Variants in SLC6A20 observed in about 807,000 individuals in gnomAD.
SLC6A20 encodes the protein sodium- and chloride-dependent transporter XTRP3.
In SLC6A20, 73 loss-of-function variants were observed where a neutral mutation model predicts 64.3. The ratio of observed to expected loss-of-function variants is 1.14; its 90% CI spans 0.94 to 1.38. SLC6A20 has a LOEUF of 1.38. SLC6A20 is among the 40% of genes most tolerant of loss of function. The pLI is 0.00. For missense variants in SLC6A20, 725 were observed against 772.8 expected (o/e 0.94, Z 0.73); for synonymous variants, 347 against 329.6 (o/e 1.05, Z -0.57).
chr3:45,776,376 C>T (rs1487690845), intron 3 of SLC6A20, among the ~76,000 whole-genome samples: 1 of 152,118 alleles, frequency 6.6e-6, no homozygotes, highest in Non-Finnish European at 1.5e-5. Flanking sequence ...GCAGCACTGG[C>T]CCAGATTGCT....
In SLC6A20 at chr3:45,758,972, C is replaced by T. The variant is rs769700404; in HGVS notation, c.*6G>A. On this transcript the variant is annotated 3_prime_UTR_variant, in exon 11 of 11. Transcript: ENST00000358525. The stretch of plus-strand genomic sequence containing the variant: ...TAAAACCGTGAGCGGCTGGGAAGCC[C>T]ACATCTCAGGCCACGGGGTCTGCGT... The T allele has an allele frequency of 1.3e-6, 2 of 1,593,692 alleles. No individual in the cohort carries two copies. Among genetic ancestry groups the T allele is most frequent in the South Asian group, 2.3e-5 (2 of 87,562 alleles).
chr3:45,786,302 T>C (rs935133634), intron 1 of SLC6A20, among the ~76,000 whole-genome samples: 3 of 152,208 alleles, frequency 2.0e-5, no homozygotes, highest in African/African-American at 7.2e-5. Flanking sequence ...CCTCTAGGCA[T>C]CCAGACTCTA....
chr3:45,770,108 T>C, intron 7 of SLC6A20, 101 bp downstream of exon 7: 1 of 1,488,842 alleles, frequency 6.7e-7, no homozygotes, highest in Non-Finnish European at 9.1e-7. Context: ...GATCCTTCTT[T>C]ATTTTTACAG....
intron 1 of SLC6A20, among the ~76,000 whole-genome samples, chr3:45,783,882 G>A (rs1404601808): frequency 6.6e-6 from 1 of 152,218 alleles, no homozygotes; most frequent in Non-Finnish European, 1.5e-5. Context: ...CCTTGTTTCA[G>A]CACCTTGTGA....
chr3:45,771,169 C>T, intron 6 of SLC6A20, 48 bp downstream of exon 6: 1 of 1,612,360 alleles, frequency 6.2e-7, no homozygotes, highest in Non-Finnish European at 8.5e-7. Context: ...GACCCTTCAG[C>T]TCAGAGCTCA....
At position 45,758,510 on chromosome 3, in the gene SLC6A20, A is replaced by G. The variant is rs1699590350; in HGVS notation, c.*468T>C. The G allele has an allele frequency of 1.0e-5, 12 of 1,186,858 alleles. No homozygotes were observed. Among genetic ancestry groups the G allele is most frequent in the Non-Finnish European group, 1.3e-5 (12 of 940,334 alleles). The allele number at this position is 1,186,858 out of a possible 1,614,324, so 73.5% of individuals were successfully genotyped here. A position where few individuals can be genotyped will look rare whatever the true frequency, so the allele number is the denominator to read the frequency against. On this transcript the variant is annotated 3_prime_UTR_variant, in exon 11 of 11. Transcript: ENST00000358525. ...ATTGCATATTCACTACAACTCAAAA[A>G]AGAAGAGAATTAATTTTGCACCACT...
chr3:45,773,768 C>T (rs549247843), intron 4 of SLC6A20, among the ~76,000 whole-genome samples: 3 of 152,266 alleles, frequency 2.0e-5, no homozygotes, highest in East Asian at 1.9e-4. Flanking sequence ...GCACTCTGTA[C>T]GCTGTCACCC....
At chr3:45,794,878 T>A (rs1219034200) in intron 1 of SLC6A20, among the ~76,000 whole-genome samples, 1 of 152,232 alleles carries the variant, frequency 6.6e-6, no homozygotes, top group Non-Finnish European at 1.5e-5. Flanking sequence ...TGGCAACATA[T>A]GCCCTTCACA....
intron 1 of SLC6A20, chr3:45,790,212 A>G (rs1165488327): frequency 2.0e-5 from 3 of 152,164 alleles, no homozygotes; most frequent in Non-Finnish European, 4.4e-5. Context: ...TCCAAAAACA[A>G]CAACAACAAA....
chr3:45,763,424 G>A (rs1699720565), intron 8 of SLC6A20, among the ~76,000 whole-genome samples: 1 of 152,202 alleles, frequency 6.6e-6, no homozygotes, highest in Non-Finnish European at 1.5e-5. Flanking sequence ...AACCCCCGCT[G>A]TTTATCCCAA....
chr3:45,763,165 G>A (rs1330014571), intron 8 of SLC6A20, 93 bp from the exon 9 acceptor site: 20 of 1,549,438 alleles, frequency 1.3e-5, no homozygotes, highest in African/African-American at 2.7e-5. Flanking sequence ...TCGGCCCTCA[G>A]GGAATTTTGG....
chr3:45,770,087 A>T, intron 7 of SLC6A20, 122 bp downstream of exon 7: 1 of 1,327,946 alleles, frequency 7.5e-7, no homozygotes, highest in Admixed American at 2.2e-5. Context: ...GTTGCAGGAA[A>T]AGTAATTCAG....
In SLC6A20 at chr3:45,796,463, A is replaced by G; in HGVS notation, c.-44T>C. 1 of 1,585,990 alleles carries G rather than the reference A, an allele frequency of 6.3e-7. No individual in the cohort carries two copies. The highest frequency in any genetic ancestry group is 1.7e-5 in the Admixed American group (1 of 58,348). On this transcript the variant is annotated 5_prime_UTR_variant, in exon 1 of 11. Coordinates refer to ENST00000358525, the MANE Select transcript of SLC6A20 (RefSeq NM_020208.4). ...CTCGGCTCCGGCTCGGGGGTCCGGC[A>G]CGGCAGTCTCAGTGCGCGGTCGCCA...
chr3:45,772,588 A>C lies in SLC6A20; in HGVS notation c.610T>G (p.Tyr204Asp). The C allele has an allele frequency of 6.2e-7, 1 of 1,613,966 alleles. No individual in the cohort carries two copies. The highest frequency in any genetic ancestry group is 8.5e-7 in the Non-Finnish European group (1 of 1,179,974). ...ATGAGGTAGATGATGAGCACGCAAT[A>C]GGGCAGTGACGCCGTGAAATACACC... The part of the protein sequence containing the change: ...KVVYFTASLP[Y>D]CVLIIYLIRG... Residue 204 changes from tyrosine to aspartate, a missense_variant, in exon 5 of 11, where the codon TAT (tyrosine) becomes GAT (aspartate). Coordinates refer to ENST00000358525, the MANE Select transcript of SLC6A20 (RefSeq NM_020208.4).
rs373671309 is a variant in SLC6A20 at position 45,757,954 on chromosome 3, C to A, written c.*1024G>T. ...TTTTTGAGTCAGAGTCTTGCTCTGT[C>A]GCCCAGACTGGAGTGGAGTGGCATG... is the stretch of plus-strand genomic sequence containing the variant. On this transcript the variant is annotated 3_prime_UTR_variant, in exon 11 of 11. Transcript: ENST00000358525. 7.4e-6 allele frequency: 1 copy of A among 134,696 alleles called. No individual in the cohort carries two copies. The allele number at this position is 134,696 out of a possible 1,614,324, so 8.3% of individuals were successfully genotyped here. A position where few individuals can be genotyped will look rare whatever the true frequency, so the allele number is the denominator to read the frequency against.
intron 3 of SLC6A20, among the ~76,000 whole-genome samples, chr3:45,776,811 C>T (rs185398027): frequency 2.1e-4 from 32 of 152,342 alleles, no homozygotes; most frequent in East Asian, 1.3e-3. Flanking sequence ...ATAGCAGCAT[C>T]GCTTGCATTT....
chr3:45,793,758 C>A (rs2125659936), intron 1 of SLC6A20, among the ~76,000 whole-genome samples: 1 of 152,288 alleles, frequency 6.6e-6, no homozygotes, highest in South Asian at 2.1e-4. Context: ...GCTCTGCTTA[C>A]AAGGAAGTTA....
At chr3:45,790,472 C>T (rs983991012) in intron 1 of SLC6A20, 1 of 152,238 alleles carries the variant, frequency 6.6e-6, no homozygotes, top group East Asian at 1.9e-4. Flanking sequence ...CACTCGCCTC[C>T]ATCTTGGTCT....
In SLC6A20 at chr3:45,782,131, CCTGCCGCATGCG is replaced by C; in HGVS notation, c.202_213del (p.Arg68_Gln71del). The C allele has an allele frequency of 1.2e-6, 2 of 1,613,634 alleles. No homozygotes were observed. Among genetic ancestry groups the C allele is most frequent in the Non-Finnish European group, 1.7e-6 (2 of 1,179,824 alleles). Reference sequence around the variant, plus strand: ...ATGGTCCTCCAGGCGCCGATGCTGCCCTGCCGCATGCGCTGCCCCACAGCCAGTTCCAGGTAC... The same window carrying C: ...ATGGTCCTCCAGGCGCCGATGCTGCCCTGCCCCACAGCCAGTTCCAGGTAC... On this transcript the variant is annotated inframe_deletion, in exon 2 of 11. Coordinates refer to ENST00000358525, the MANE Select transcript of SLC6A20 (RefSeq NM_020208.4).
Sources: gnomAD v4.1 joint callset for allele counts (sites outside exome capture counted in the v4.1 genomes callset) on GRCh38, gnomAD v4.1.1 for gene constraint, MANE v1.5 for transcripts, NCBI Gene and HGNC (gene_info 2026-07-23, HGNC 2026-07-21) for gene names.